SEC24C: variants seen among roughly 807,000 people sequenced by gnomAD.
SEC24C encodes protein transport protein Sec24C.
A neutral mutation model predicts 117.0 loss-of-function variants in SEC24C; 22 were observed. The ratio of observed to expected loss-of-function variants is 0.19; its 90% CI spans 0.13 to 0.27. SEC24C has a LOEUF of 0.27. Among genes scored for constraint, SEC24C ranks in the 10% least tolerant of loss-of-function variants. SEC24C has a pLI of 1.00. For missense variants in SEC24C, 1,155 were observed against 1,375.1 expected (o/e 0.84, Z 2.53); for synonymous variants, 506 against 529.4 (o/e 0.96, Z 0.61).
chr10:73,766,034 C>T, intron 10 of SEC24C, 52 bp from the exon 11 acceptor site: 2 of 1,604,058 alleles, frequency 1.2e-6, no homozygotes, highest in East Asian at 2.2e-5. Context: ...TCTCTATAGT[C>T]AACTGGCCTG....
chr10:73,763,999 G>T lies in SEC24C; in HGVS notation c.1227+16G>T. Reference sequence around the variant, plus strand: ...CCCAGAGGAGGTGAGTCAGGGAAGGGGCTAGAGTGTAATGAAAGGGAGGGA... The same window carrying T: ...CCCAGAGGAGGTGAGTCAGGGAAGGTGCTAGAGTGTAATGAAAGGGAGGGA... On this transcript the variant is annotated intron_variant, in intron 8 of 22. Transcript: ENST00000345254. 7.0e-6 allele frequency: 11 copies of T among 1,565,530 alleles called. No homozygotes were observed. The highest frequency in any genetic ancestry group is 8.7e-6 in the Non-Finnish European group (10 of 1,152,834).
rs111512152 is a variant in SEC24C at position 73,760,767 on chromosome 10, C to T, written c.905C>T (p.Ala302Val). ...PQSNYGGPYP[A>V]APTFGSQPGP... ...TCTAATTATGGAGGCCCCTACCCAGCAGCACCCACCTTTGGCAGTCAGCCT... is the reference window on the plus strand; with the variant it reads ...TCTAATTATGGAGGCCCCTACCCAGTAGCACCCACCTTTGGCAGTCAGCCT... The change falls in exon 6 of 23, where the codon GCA (alanine) becomes GTA (valine). Residue 302 changes from alanine to valine, a missense_variant. Physicochemically the swap from Ala to Val is moderately conservative, Grantham distance 64. Transcript: ENST00000345254. The T allele has an allele frequency of 2.5e-6, 4 of 1,614,086 alleles. No individual in the cohort carries two copies. The highest frequency in any genetic ancestry group is 2.7e-5 in the African/African-American group (2 of 75,030).
chr10:73,746,030 C>T (rs559958707), intron 1 of SEC24C, among the ~76,000 whole-genome samples: 2 of 151,700 alleles, frequency 1.3e-5, no homozygotes, highest in South Asian at 2.1e-4. Context: ...TGTGGTGGCA[C>T]GCGCCTGTAA....
rs2082929386 is a variant in SEC24C, at chr10:73,768,994, CAT to C, written c.2279-12_2279-11del. ...TCATACTTTTTGCCCTGACCCTGTC[CAT>C]GTGGCCTCAGGTATCCGTGCTGTAG... On this transcript the variant is annotated splice_polypyrimidine_tract_variant and intron_variant, in intron 16 of 22. Transcript: ENST00000345254. The C allele has an allele frequency of 6.2e-7, 1 of 1,614,090 alleles. No homozygotes were observed. Among genetic ancestry groups the C allele is most frequent in the Admixed American group, 1.7e-5 (1 of 60,006 alleles).
chr10:73,760,897 A>C (rs548720306), intron 6 of SEC24C, 48 bp downstream of exon 6: 8 of 1,535,354 alleles, frequency 5.2e-6, no homozygotes, highest in Non-Finnish European at 7.0e-6. Flanking sequence ...TGTCTGCCAG[A>C]TAGGCAGGTC....
intron 2 of SEC24C, among the ~76,000 whole-genome samples, chr10:73,750,090 C>CT: frequency 6.6e-6 from 1 of 152,314 alleles, no homozygotes; most frequent in South Asian, 2.1e-4. Flanking sequence ...GGCCCCAGGT[C>CT]TTTGGAAGAA....
At chr10:73,748,456 A>G (rs925464614) in intron 2 of SEC24C, among the ~76,000 whole-genome samples, 5 of 146,268 alleles carry the variant, frequency 3.4e-5, no homozygotes, top group African/African-American at 1.3e-4. Context: ...ATTTTTTGAG[A>G]TGGAATTTTG....
At position 73,765,529 on chromosome 10, in the gene SEC24C, A is replaced by G; in HGVS notation, c.1306A>G (p.Met436Val). ...CTGCAAAGCATACATGTGTCCCTTC[A>G]TGCAGTTCATTGAAGGAGGGAGGCG... Reference protein sequence around the residue: ...NRCKAYMCPFMQFIEGGRRFQ... With the variant: ...NRCKAYMCPFVQFIEGGRRFQ... Residue 436 changes from methionine to valine, a missense_variant, in exon 9 of 23, where the codon ATG (methionine) becomes GTG (valine). Met to Val is a conservative substitution (Grantham distance 21). Around this residue, in one of 2 missense-constraint regions of SEC24C, gnomAD observed 759 missense variants for 992.3 expected, o/e 0.76. Coordinates refer to ENST00000345254, the MANE Select transcript of SEC24C (RefSeq NM_198597.3). The G allele has an allele frequency of 4.3e-6, 7 of 1,614,174 alleles. No individual in the cohort carries two copies. The South Asian group carries it at 6.6e-5, about 15-fold the overall frequency.
rs541151608 is a variant in SEC24C, at chr10:73,760,661, G to A, written c.851-52G>A. ...TCTAGTCATTTTCCTGAGGCCTTAA[G>A]AAGAGATAGGGATGGGATTTTGAGT... On this transcript the variant is annotated intron_variant, in intron 5 of 22. Transcript: ENST00000345254. The A allele has an allele frequency of 1.1e-5, 16 of 1,521,226 alleles. No homozygotes were observed. In the African/African-American group the frequency reaches 2.1e-4, roughly 20 times the overall value. The allele number at this position is 1,521,226 out of a possible 1,614,324, so 94.2% of individuals were successfully genotyped here.
chr10:73,768,997 G>A lies in SEC24C; in HGVS notation c.2279-10G>A, dbSNP rs1186210491. ...TACTTTTTGCCCTGACCCTGTCCAT[G>A]TGGCCTCAGGTATCCGTGCTGTAGA... On this transcript the variant is annotated splice_polypyrimidine_tract_variant and intron_variant, in intron 16 of 22. Transcript: ENST00000345254. The A allele has an allele frequency of 3.7e-6, 6 of 1,614,240 alleles. No homozygotes were observed. The highest frequency in any genetic ancestry group is 4.2e-6 in the Non-Finnish European group (5 of 1,180,050).
intron 6 of SEC24C, 34 bp downstream of exon 6, chr10:73,760,883 T>A (rs1261225977): frequency 1.3e-6 from 2 of 1,566,502 alleles, no homozygotes; most frequent in East Asian, 4.6e-5. Context: ...TGAGGAAGGG[T>A]TTGTGTCTGC....
intron 2 of SEC24C, among the ~76,000 whole-genome samples, chr10:73,748,931 T>C (rs1415522432): frequency 2.6e-5 from 4 of 151,612 alleles, no homozygotes; most frequent in African/African-American, 9.7e-5. Context: ...TTAGTAGAGA[T>C]GGGATTTTGC....
intron 15 of SEC24C, 123 bp from the exon 16 acceptor site, chr10:73,768,684 TATC>T: frequency 1.2e-6 from 1 of 824,582 alleles, no homozygotes; most frequent in Non-Finnish European, 2.0e-6. Flanking sequence ...TCATCATCAT[TATC>T]ATCCTCACTG....
At position 73,759,654 on chromosome 10, in the gene SEC24C, T is replaced by C. The variant is rs749808032; in HGVS notation, c.341T>C (p.Leu114Ser). Reference protein sequence around the residue: ...LPGSQPFGSPLAPVGNQPPVL... With the variant: ...LPGSQPFGSPSAPVGNQPPVL... Reference sequence around the variant, plus strand: ...GGGTCTCAGCCATTTGGGTCCCCATTGGCCCCTGTGGGCAACCAGCCACCT... The same window carrying C: ...GGGTCTCAGCCATTTGGGTCCCCATCGGCCCCTGTGGGCAACCAGCCACCT... The change falls in exon 4 of 23, where the codon TTG (leucine) becomes TCG (serine). Residue 114 changes from leucine (L) to serine (S), a missense_variant. Transcript: ENST00000345254. The C allele has an allele frequency of 1.3e-6, 2 of 1,566,572 alleles. No homozygotes were observed. The highest frequency in any genetic ancestry group is 4.6e-5 in the East Asian group (2 of 43,520).
intron 3 of SEC24C, among the ~76,000 whole-genome samples, chr10:73,755,281 G>A (rs900946961): frequency 6.6e-6 from 1 of 152,200 alleles, no homozygotes; most frequent in South Asian, 2.1e-4. Flanking sequence ...CTGCCAAATT[G>A]TAAGATGAAG....
chr10:73,766,948 G>A, intron 13 of SEC24C, 95 bp downstream of exon 13: 1 of 1,380,312 alleles, frequency 7.2e-7, no homozygotes, highest in Non-Finnish European at 1.0e-6. Flanking sequence ...AGTAGTGGGT[G>A]ACTGTCCAGT....
chr10:73,765,730 G>A, intron 9 of SEC24C, 70 bp from the exon 10 acceptor site: 2 of 1,559,770 alleles, frequency 1.3e-6, no homozygotes, highest in Non-Finnish European at 1.8e-6. Flanking sequence ...AGTGGTGTGA[G>A]CTCAGCTAGG....
At position 73,771,206 on chromosome 10, in the gene SEC24C, G is replaced by T. The variant is rs1035427111; in HGVS notation, c.*111G>T. 1.0e-5 allele frequency: 13 copies of T among 1,260,876 alleles called. No individual in the cohort carries two copies. Among genetic ancestry groups the T allele is most frequent in the African/African-American group, 3.0e-5 (2 of 66,672 alleles). The allele number at this position is 1,260,876 out of a possible 1,614,324, so 78.1% of individuals were successfully genotyped here. ...TATGTAAGCTGACCTCAGTCTCTCTGGGGGGAGGGGGAGATATAAGGAGAC... is the reference window on the plus strand; with the variant it reads ...TATGTAAGCTGACCTCAGTCTCTCTTGGGGGAGGGGGAGATATAAGGAGAC... On this transcript the variant is annotated 3_prime_UTR_variant, in exon 23 of 23. Transcript: ENST00000345254.
rs763428641 is a variant in SEC24C, at chr10:73,765,627, GA to G, written c.1366+39del. 3.0e-5 allele frequency: 48 copies of G among 1,606,800 alleles called. No homozygotes were observed. In the East Asian group the frequency reaches 1.1e-3, roughly 35 times the overall value. On this transcript the variant is annotated intron_variant, in intron 9 of 22. Transcript: ENST00000345254. ...AAGCTGGGATTTGGGGGAAGGTCTT[GA>G]TTGTATCTTCCTTGTTCTCTATTAA... is the stretch of plus-strand genomic sequence containing the variant.
Sources: gnomAD v4.1 joint callset for allele counts (sites outside exome capture counted in the v4.1 genomes callset) on GRCh38, gnomAD v4.1.1 for gene constraint, gnomAD v4.1.1 regional missense constraint, MANE v1.5 for transcripts, NCBI Gene and HGNC (gene_info 2026-07-23, HGNC 2026-07-21) for gene names.